Variants in CELSR1 observed in about 807,000 individuals in gnomAD.
CELSR1 encodes the protein adhesion G protein-coupled receptor C1.
A neutral mutation model predicts 249.1 loss-of-function variants in CELSR1; 110 were observed. That is an observed-to-expected ratio of 0.44 (90% confidence interval 0.38 to 0.52). The LOEUF (loss-of-function observed/expected upper bound fraction) is 0.52. Ranked by LOEUF, CELSR1 falls within the 20% of genes least tolerant of loss-of-function variation. CELSR1 has a pLI of 0.00. For missense variants in CELSR1, 4,109 were observed against 4,296.4 expected (o/e 0.96, Z 1.22); for synonymous variants, 2,113 against 1,900.0 (o/e 1.11, Z -2.92).
intron 1 of CELSR1, among the ~76,000 whole-genome samples, chr22:46,487,990 A>G (rs113712889): frequency 1.7e-3 from 26 of 15,578 alleles, no homozygotes; most frequent in South Asian, 3.5e-3. Context: ...ATGAGGGTGT[A>G]GGGGAGGGGT....
chr22:46,532,836 G>A (rs1156918324), intron 1 of CELSR1, among the ~76,000 whole-genome samples: 1 of 151,988 alleles, frequency 6.6e-6, no homozygotes, highest in Non-Finnish European at 1.5e-5. Context: ...CCCCAGCACC[G>A]CAGACCAGCC....
In CELSR1 at chr22:46,448,619, A is replaced by C. The variant is rs1379410958; in HGVS notation, c.4184-9208T>G. 7.2e-6 allele frequency: 3 copies of C among 416,534 alleles called. No individual in the cohort carries two copies. The highest frequency in any genetic ancestry group is 1.4e-5 in the Non-Finnish European group (3 of 211,636). 25.8% of individuals were successfully genotyped at this position (416,534 alleles called of 1,614,324 possible). ...AGAATTTCCAAAGGCCACAATGGTAAAACTCAAGCACTTGATGAAGGCTTA... is the reference window on the plus strand; with the variant it reads ...AGAATTTCCAAAGGCCACAATGGTACAACTCAAGCACTTGATGAAGGCTTA... On this transcript the variant is annotated intron_variant, in intron 2 of 34. Transcript: ENST00000674500. This position sits in a 1 kb window ranked among gnomAD's most constrained non-coding sequence, Gnocchi z 5.7.
rs140667892 is a variant in CELSR1, at chr22:46,423,607, G to GAAAA, written c.4611+9782_4611+9785dup. On this transcript the variant is annotated intron_variant, in intron 5 of 34. Transcript: ENST00000674500. This position sits in a 1 kb window ranked among gnomAD's most constrained non-coding sequence, Gnocchi z 5.6. ...GCAACAGGAGCGAAACTTCGTCTCA[G>GAAAA]AAAAAAAAAAAAAAAAAGACTCCAT... 9.4e-6 allele frequency among the ~76,000 whole-genome samples: 1 copy of GAAAA among 106,948 alleles called. No individual in the cohort carries two copies. Among genetic ancestry groups the GAAAA allele is most frequent in the African/African-American group, 3.2e-5 (1 of 31,688 alleles). The allele number at this position is 106,948 out of a possible 152,430, so 70.2% of individuals were successfully genotyped here. A position where few individuals can be genotyped will look rare whatever the true frequency, so the allele number is the denominator to read the frequency against.
intron 3 of CELSR1, 31 bp downstream of exon 3, chr22:46,439,158 C>A: frequency 6.3e-7 from 1 of 1,588,226 alleles, no homozygotes; most frequent in Non-Finnish European, 8.6e-7. Context: ...CTAAAGAGAC[C>A]CCCGTGTGGC....
At chr22:46,463,541 A>C in intron 2 of CELSR1, among the ~76,000 whole-genome samples, 166 bp downstream of exon 2, 1 of 146,618 alleles carries the variant, frequency 6.8e-6, no homozygotes, top group Non-Finnish European at 1.5e-5. Context: ...AAAAAAAAGT[A>C]CCGTTACTGA....
At chr22:46,419,837 G>A (rs1213654532) in intron 5 of CELSR1, among the ~76,000 whole-genome samples, 2 of 149,034 alleles carry the variant, frequency 1.3e-5, no homozygotes, top group African/African-American at 5.0e-5. Flanking sequence ...ATTTACCCAC[G>A]CTCACGTGCA....
rs908977514 is a variant in CELSR1 at position 46,367,194 on chromosome 22, G to A, written c.8080-76C>T. 46 of 1,535,516 alleles carry A rather than the reference G, an allele frequency of 3.0e-5. No homozygotes were observed. The South Asian group carries it at 3.0e-4, about 10-fold the overall frequency. ...TGCCCTTAGGCGCCCCAGCACAGAT[G>A]CGCATACAGCCTTGAGTGCACACAA... On this transcript the variant is annotated intron_variant, in intron 28 of 34. Transcript: ENST00000674500.
intron 2 of CELSR1, among the ~76,000 whole-genome samples, chr22:46,449,213 C>G (rs2079853631): frequency 6.6e-6 from 1 of 151,982 alleles, no homozygotes; most frequent in South Asian, 2.1e-4. Flanking sequence ...ATCCATCCGA[C>G]CACCCATCAC....
In CELSR1 at chr22:46,466,954, G is replaced by A. The variant is rs367589148; in HGVS notation, c.3545-2609C>T. ...CATCAGGACGCAGCAAGAAGGCACT[G>A]TCTACCAGCCAGGAAAACAAAGCCT... On this transcript the variant is annotated intron_variant, in intron 1 of 34. Transcript: ENST00000674500. Among the ~76,000 whole-genome samples, 36 of 152,182 alleles carry A rather than the reference G, an allele frequency of 2.4e-4. No homozygotes were observed. In the East Asian group the frequency reaches 2.5e-3, roughly 11 times the overall value.
intron 12 of CELSR1, 63 bp downstream of exon 12, chr22:46,397,611 C>G: frequency 1.5e-6 from 2 of 1,354,656 alleles, no homozygotes; most frequent in East Asian, 2.9e-5. Context: ...CTGAGCCCCC[C>G]TCCTGTGTTT....
chr22:46,530,407 A>C (rs1401627375), intron 1 of CELSR1: 1 of 151,300 alleles, frequency 6.6e-6, no homozygotes, highest in African/African-American at 2.4e-5. Context: ...AAATAAAACA[A>C]AGAATGTCAA....
At position 46,398,997 on chromosome 22, in the gene CELSR1, C is replaced by CA. The variant is rs894244742; in HGVS notation, c.5413-361dup. Reference sequence around the variant, plus strand: ...AGACTGCAGTGAACGGAAATCCGCTCACTCATTAACACTGTGGGAACCCAA... The same window carrying CA: ...AGACTGCAGTGAACGGAAATCCGCTCAACTCATTAACACTGTGGGAACCCAA... On this transcript the variant is annotated intron_variant, in intron 10 of 34. Transcript: ENST00000674500. This position sits in a 1 kb window ranked among gnomAD's most constrained non-coding sequence, Gnocchi z 7.2. Among the ~76,000 whole-genome samples the CA allele has an allele frequency of 1.3e-5, 2 of 152,222 alleles. No individual in the cohort carries two copies. The highest frequency in any genetic ancestry group is 4.8e-5 in the African/African-American group (2 of 41,458).
rs1016496458 is a variant in CELSR1, at chr22:46,506,866, C to T, written c.3544+26761G>A. ...TGTCACCCGCACCACCAGGACACAGCCTGCACACACAGGAAGTCCTTTTTT... is the reference window on the plus strand; with the variant it reads ...TGTCACCCGCACCACCAGGACACAGTCTGCACACACAGGAAGTCCTTTTTT... On this transcript the variant is annotated intron_variant, in intron 1 of 34. Coordinates refer to ENST00000674500, the MANE Select transcript of CELSR1 (RefSeq NM_001378328.1). The surrounding 1 kb of genome is among the most constrained non-coding windows in gnomAD (Gnocchi z 4.1). Among the ~76,000 whole-genome samples, 3 of 152,196 alleles carry T rather than the reference C, an allele frequency of 2.0e-5. No homozygotes were observed. Among genetic ancestry groups the T allele is most frequent in the Non-Finnish European group, 4.4e-5 (3 of 68,042 alleles).
chr22:46,369,097 G>A, intron 27 of CELSR1, 82 bp downstream of exon 27: 1 of 1,427,956 alleles, frequency 7.0e-7, no homozygotes, highest in South Asian at 1.2e-5. Flanking sequence ...CGCTCTCATG[G>A]GGCCCCACCC....
chr22:46,445,253 G>C lies in CELSR1; in HGVS notation c.4184-5842C>G, dbSNP rs1414916076. Among the ~76,000 whole-genome samples the C allele has an allele frequency of 6.6e-6, 1 of 152,190 alleles. No individual in the cohort carries two copies. Among genetic ancestry groups the C allele is most frequent in the South Asian group, 2.1e-4 (1 of 4,832 alleles). Reference sequence around the variant, plus strand: ...TCAGGCCTGTCATCCCAGCACTTTGGGAGGCCGAGGCAGGTGGATCACCTG... The same window carrying C: ...TCAGGCCTGTCATCCCAGCACTTTGCGAGGCCGAGGCAGGTGGATCACCTG... On this transcript the variant is annotated intron_variant, in intron 2 of 34. Transcript: ENST00000674500. The surrounding 1 kb of genome is among the most constrained non-coding windows in gnomAD (Gnocchi z 4.4).
Position 46,534,693 on chromosome 22 carries a change from G to A in CELSR1, c.2478C>T (p.Tyr826=), listed in dbSNP as rs200234410. 6.8e-6 allele frequency: 11 copies of A among 1,613,478 alleles called. No individual in the cohort carries two copies. Among genetic ancestry groups the A allele is most frequent in the Middle Eastern group, 1.6e-4 (1 of 6,084 alleles). ...EDTGENARIT[Y]VIQDPVPQFR... is the part of the protein sequence containing the mutation. ...ACTGCGGCACGGGGTCCTGAATCAC[G>A]TAGGTGATGCGGGCATTCTCTCCTG... Residue 826 remains tyrosine (Y), a synonymous_variant, in exon 1 of 35, where the codon TAC becomes TAT. Transcript: ENST00000674500. The surrounding 1 kb of genome is among the most constrained non-coding windows in gnomAD (Gnocchi z 9.7).
Position 46,464,289 on chromosome 22 carries a change from C to T in CELSR1, c.3601G>A (p.Asp1201Asn), listed in dbSNP as rs746784282. The T allele has an allele frequency of 8.7e-6, 14 of 1,613,510 alleles. No homozygotes were observed. The highest frequency in any genetic ancestry group is 1.2e-5 in the Non-Finnish European group (14 of 1,180,020). ...ACAGTGATGCTGTTGGTCAGCATGTCGTCCGTGATGATGGTGACACGCAGG... is the reference window on the plus strand; with the variant it reads ...ACAGTGATGCTGTTGGTCAGCATGTTGTCCGTGATGATGGTGACACGCAGG... ...CTLRVTIITD[D>N]MLTNSITVRL... Residue 1201 changes from aspartate (D) to asparagine (N), a missense_variant, in exon 2 of 35, where the codon GAC (aspartate) becomes AAC (asparagine). By Grantham distance (23) the Asp-to-Asn change is conservative. Transcript: ENST00000674500. The surrounding 1 kb of genome is among the most constrained non-coding windows in gnomAD (Gnocchi z 8.5).
intron 2 of CELSR1, among the ~76,000 whole-genome samples, chr22:46,461,845 A>G (rs8139831): frequency 0.61 from 92,471 of 152,196 alleles, 28,375 homozygotes; most frequent in East Asian, 0.81. Context: ...GCCACATGGC[A>G]GGCACTGGCT....
In CELSR1 at chr22:46,439,353, G is replaced by A. The variant is rs374497127; in HGVS notation, c.4242C>T (p.Asn1414=). Residue 1414 remains asparagine (N), a synonymous_variant, in exon 3 of 35, where the codon AAC becomes AAT. Coordinates refer to ENST00000674500, the MANE Select transcript of CELSR1 (RefSeq NM_001378328.1). The part of the protein sequence containing the change: ...SGRCANGVCK[N]GGTCVNLLIG... ...TGAGCAGGTTCACGCAGGTGCCCCCGTTCTTGCACACCCCGTTGGCACAGC... is the reference window on the plus strand; with the variant it reads ...TGAGCAGGTTCACGCAGGTGCCCCCATTCTTGCACACCCCGTTGGCACAGC... The A allele has an allele frequency of 1.2e-4, 194 of 1,613,896 alleles. No individual in the cohort carries two copies. Among genetic ancestry groups the A allele is most frequent in the Non-Finnish European group, 1.5e-4 (179 of 1,179,992 alleles).
Sources: allele counts gnomAD v4.1 joint callset (sites outside exome capture counted in the v4.1 genomes callset), GRCh38; gene constraint gnomAD v4.1.1; non-coding constraint Gnocchi (gnomAD v3.1); transcripts MANE v1.5; gene names NCBI Gene and HGNC (gene_info 2026-07-23, HGNC 2026-07-21).